DCX: variants seen among roughly 807,000 people sequenced by gnomAD.
DCX encodes the protein neuronal migration protein doublecortin.
A neutral mutation model predicts 20.9 loss-of-function variants in DCX; 4 were observed. The observed-to-expected ratio is 0.19, with a 90% CI of 0.09 to 0.44. The LOEUF (loss-of-function observed/expected upper bound fraction) is 0.44. Ranked by LOEUF, DCX falls within the 20% of genes least tolerant of loss-of-function variation. DCX has a pLI of 0.99. For missense variants in DCX, 133 were observed against 296.9 expected (o/e 0.45, Z 4.06); for synonymous variants, 103 against 111.4 (o/e 0.92, Z 0.47).
rs764360164 is a variant in DCX, at chrX:111,306,722, T to C, written c.1045-4979A>G. Among the ~76,000 whole-genome samples, 3 of 111,691 alleles carry C rather than the reference T, an allele frequency of 2.7e-5. No homozygotes were observed. The South Asian group carries it at 1.1e-3, about 43-fold the overall frequency. ...GGGATTTAAATGATACAAATTATAT[T>C]ATTTGGCCACAGTGGAATTAAATTA... On this transcript the variant is annotated intron_variant, in intron 6 of 6. Transcript: ENST00000636035.
chrX:111,344,664 C>T (rs986420028), intron 3 of DCX, among the ~76,000 whole-genome samples: 1 of 110,861 alleles, frequency 9.0e-6, no homozygotes, highest in African/African-American at 3.3e-5. Context: ...GAATAAAATA[C>T]CTAGGAATAC....
chrX:111,400,668 C>T (rs1349069373), intron 3 of DCX, among the ~76,000 whole-genome samples: 1 of 112,010 alleles, frequency 8.9e-6, no homozygotes, highest in Non-Finnish European at 1.9e-5. Flanking sequence ...ATGAAGGTTG[C>T]ATCATATAAT....
chrX:111,339,169 T>C (rs1471856080), intron 3 of DCX, among the ~76,000 whole-genome samples: 1 of 112,263 alleles, frequency 8.9e-6, no homozygotes, highest in Non-Finnish European at 1.9e-5. Flanking sequence ...ATCTCTTTTA[T>C]TTTTTATTTA....
At chrX:111,407,947 A>AATG (rs1361635770) in intron 2 of DCX, among the ~76,000 whole-genome samples, 2 of 111,356 alleles carry the variant, frequency 1.8e-5, no homozygotes, top group African/African-American at 6.5e-5. Flanking sequence ...GTCTGAATAC[A>AATG]ATGTCACTTG....
In DCX at chrX:111,301,747, T is replaced by C; in HGVS notation, c.1045-4A>G. 1 of 1,209,618 alleles carries C rather than the reference T, an allele frequency of 8.3e-7. No individual in the cohort carries two copies. Among genetic ancestry groups the C allele is most frequent in the Non-Finnish European group, 1.1e-6 (1 of 893,723 alleles). ...AGGACAGAGGCAGGTACAGGTCCTA[T>C]AAGAAGAGAAGAGACAAAGTTAATT... On this transcript the variant is annotated splice_polypyrimidine_tract_variant and splice_region_variant and intron_variant, in intron 6 of 6. Coordinates refer to ENST00000636035, the MANE Select transcript of DCX (RefSeq NM_001195553.2).
In DCX at chrX:111,299,365, A is replaced by C. The variant is rs956285533; in HGVS notation, c.*2322T>G. 1.8e-5 allele frequency: 2 copies of C among 111,753 alleles called. No homozygotes were observed. Among genetic ancestry groups the C allele is most frequent in the African/African-American group, 6.5e-5 (2 of 30,703 alleles). The allele number at this position is 111,753 out of a possible 1,213,427, so 9.2% of individuals were successfully genotyped here. A position where few individuals can be genotyped will look rare whatever the true frequency, so the allele number is the denominator to read the frequency against. ...TATCCATTTGGTATTTTCTAGTAGT[A>C]CATATACCGCAATCAAGGAAATACT... On this transcript the variant is annotated 3_prime_UTR_variant, in exon 7 of 7. Transcript: ENST00000636035.
chrX:111,388,008 C>A (rs977919197), intron 3 of DCX, among the ~76,000 whole-genome samples: 2 of 111,824 alleles, frequency 1.8e-5, no homozygotes, highest in Non-Finnish European at 3.8e-5. Context: ...TGAGACTCTG[C>A]AGCATGGTGT....
chrX:111,379,165 C>G (rs1013363262), intron 3 of DCX, among the ~76,000 whole-genome samples: 1 of 112,370 alleles, frequency 8.9e-6, no homozygotes, highest in Non-Finnish European at 1.9e-5. Flanking sequence ...AACTATATTA[C>G]TGAACTTGAA....
At chrX:111,392,099 G>T (rs1569496437) in intron 3 of DCX, among the ~76,000 whole-genome samples, 1 of 111,339 alleles carries the variant, frequency 9.0e-6, no homozygotes, top group Non-Finnish European at 1.9e-5. Context: ...TTTAAGAAAA[G>T]TTAATAAAGA....
At chrX:111,408,169 C>T (rs758610900) in intron 2 of DCX, among the ~76,000 whole-genome samples, 6 of 111,506 alleles carry the variant, frequency 5.4e-5, no homozygotes, top group African/African-American at 1.6e-4. Context: ...AGCTTCAAAC[C>T]CTTCAAAGTT....
intron 6 of DCX, 116 bp from the exon 7 acceptor site, chrX:111,301,859 A>G: frequency 1.4e-6 from 1 of 703,909 alleles, no homozygotes. Flanking sequence ...ATAATTATAG[A>G]TTCACAGGAA....
rs746605860 is a variant in DCX at position 111,297,578 on chromosome X, G to T, written c.*4109C>A. On this transcript the variant is annotated 3_prime_UTR_variant, in exon 7 of 7. Transcript: ENST00000636035. The stretch of plus-strand genomic sequence containing the variant: ...CAAATAGCTACACATCCACTTTCAG[G>T]TTCCTTGGTTACTTGTGACTGTGGA... 9.3e-4 allele frequency: 104 copies of T among 111,767 alleles called. No homozygotes were observed. The highest frequency in any genetic ancestry group is 3.3e-3 in the African/African-American group (102 of 30,738). The allele number at this position is 111,767 out of a possible 1,213,427, so 9.2% of individuals were successfully genotyped here.
chrX:111,387,588 G>A (rs1397424253), intron 3 of DCX, among the ~76,000 whole-genome samples: 1 of 112,256 alleles, frequency 8.9e-6, no homozygotes, highest in African/African-American at 3.2e-5. Context: ...GCAAGAGGAA[G>A]TTCACCTATC....
chrX:111,397,794 T>C (rs1363482161), intron 3 of DCX, among the ~76,000 whole-genome samples: 1 of 52,244 alleles, frequency 1.9e-5, no homozygotes, highest in Non-Finnish European at 5.8e-5. Context: ...TGTGTGTGTG[T>C]ATATCTACAT....
chrX:111,325,672 A>G (rs888834923), intron 5 of DCX, among the ~76,000 whole-genome samples: 6 of 112,189 alleles, frequency 5.3e-5, no homozygotes, highest in Non-Finnish European at 9.4e-5. Context: ...GAACATTTGA[A>G]GTGCGGCTAG....
At position 111,311,366 on chromosome X, in the gene DCX, G is replaced by A. The variant is rs1030278513; in HGVS notation, c.1044+1273C>T. Among the ~76,000 whole-genome samples, 5 of 112,037 alleles carry A rather than the reference G, an allele frequency of 4.5e-5. No individual in the cohort carries two copies. The Admixed American group carries it at 4.7e-4, about 11-fold the overall frequency. On this transcript the variant is annotated intron_variant, in intron 6 of 6. Transcript: ENST00000636035. Reference sequence around the variant, plus strand: ...GGCAGGCAGTAGCCAGATTAGCCAGGAAATTAAAAGACTGATATAGAAAAA... The same window carrying A: ...GGCAGGCAGTAGCCAGATTAGCCAGAAAATTAAAAGACTGATATAGAAAAA...
intron 3 of DCX, among the ~76,000 whole-genome samples, chrX:111,384,161 C>A (rs1223456078): frequency 9.0e-6 from 1 of 111,251 alleles, no homozygotes; most frequent in Non-Finnish European, 1.9e-5. Flanking sequence ...GCCTTTATAC[C>A]TTTATCTATA....
rs182108339 is a variant in DCX, at chrX:111,353,228, G to C, written c.706-20075C>G. Among the ~76,000 whole-genome samples, 9 of 112,042 alleles carry C rather than the reference G, an allele frequency of 8.0e-5. No individual in the cohort carries two copies. The South Asian group carries it at 3.1e-3, about 38-fold the overall frequency. ...TATTGTAGAAAGGGACTGGCTTCTA[G>C]TCCTTGTTCAGTCACACAATGCTGT... On this transcript the variant is annotated intron_variant, in intron 3 of 6. Transcript: ENST00000636035.
chrX:111,297,273 G>A lies in DCX; in HGVS notation c.*4414C>T, dbSNP rs1407465295. On this transcript the variant is annotated 3_prime_UTR_variant, in exon 7 of 7. Transcript: ENST00000636035. ...CTATCTGGGGAAGTCTCTTGGCACA[G>A]ACGTTTCTGAGGTGGGGTGATCTTT... 8.9e-6 allele frequency: 1 copy of A among 112,388 alleles called. No homozygotes were observed. The highest frequency in any genetic ancestry group is 3.2e-5 in the African/African-American group (1 of 30,864). 9.3% of individuals were successfully genotyped at this position (112,388 alleles called of 1,213,427 possible).
Sources: gnomAD v4.1 joint callset for allele counts (sites outside exome capture counted in the v4.1 genomes callset) on GRCh38, gnomAD v4.1.1 for gene constraint, MANE v1.5 for transcripts, NCBI Gene and HGNC (gene_info 2026-07-23, HGNC 2026-07-21) for gene names.